NLGN1: variants seen among roughly 807,000 people sequenced by gnomAD.
The protein encoded by NLGN1 is neuroligin-1.
A neutral mutation model predicts 65.5 loss-of-function variants in NLGN1; 12 were observed. The ratio of observed to expected loss-of-function variants is 0.18; its 90% CI spans 0.12 to 0.30. The LOEUF (loss-of-function observed/expected upper bound fraction) is 0.30, where lower values mean the gene tolerates loss of function less well. Among genes scored for constraint, NLGN1 ranks in the 10% least tolerant of loss-of-function variants. The pLI, the probability that NLGN1 is intolerant of heterozygous loss-of-function variation, is 1.00. For missense variants in NLGN1, 750 were observed against 1,007.1 expected (o/e 0.74, Z 3.46); for synonymous variants, 350 against 359.5 (o/e 0.97, Z 0.30).
chr3:173,789,553 T>C (rs1398026423), intron 3 of NLGN1, among the ~76,000 whole-genome samples: 1 of 152,186 alleles, frequency 6.6e-6, no homozygotes, highest in Non-Finnish European at 1.5e-5. Flanking sequence ...GAAAATGTCT[T>C]GAACAATGTC....
chr3:173,511,432 TA>T (rs61510837), intron 2 of NLGN1, among the ~76,000 whole-genome samples: 5,599 of 152,282 alleles, frequency 0.037, 109 homozygotes, highest in Middle Eastern at 0.051. Flanking sequence ...TTCTAAGTGT[TA>T]ACACGTTCTG....
intron 4 of NLGN1, among the ~76,000 whole-genome samples, chr3:173,906,804 G>A (rs933335446): frequency 1.0e-4 from 15 of 148,858 alleles, no homozygotes; most frequent in Admixed American, 7.5e-4. Context: ...TGCTATGATC[G>A]TGCCTATGAT....
chr3:174,087,136 G>A (rs1027105882), intron 4 of NLGN1, among the ~76,000 whole-genome samples: 1 of 152,110 alleles, frequency 6.6e-6, no homozygotes, highest in African/African-American at 2.4e-5. Flanking sequence ...GGAGGTGGGA[G>A]GAGGGAGATA....
chr3:173,664,056 A>G (rs1761351460), intron 3 of NLGN1, among the ~76,000 whole-genome samples: 1 of 151,928 alleles, frequency 6.6e-6, no homozygotes, highest in Non-Finnish European at 1.5e-5. Flanking sequence ...CAGCACTGTA[A>G]TTTATTTCTG....
At chr3:173,563,711 A>G (rs888658341) in intron 2 of NLGN1, among the ~76,000 whole-genome samples, 8 of 152,064 alleles carry the variant, frequency 5.3e-5, no homozygotes, top group African/African-American at 1.9e-4. Flanking sequence ...TGTATATTAT[A>G]AATCTTTTGG....
chr3:173,820,881 G>A (rs1486280018), intron 4 of NLGN1, among the ~76,000 whole-genome samples: 6 of 152,124 alleles, frequency 3.9e-5, no homozygotes, highest in Non-Finnish European at 7.4e-5. Flanking sequence ...GCTTAATGTT[G>A]TTCATTTGTA....
chr3:174,272,052 A>ATAAT (rs1387251581), intron 4 of NLGN1, among the ~76,000 whole-genome samples: 2 of 151,690 alleles, frequency 1.3e-5, no homozygotes, highest in Admixed American at 1.3e-4. Flanking sequence ...ATGTGTTACA[A>ATAAT]TAATAATTAG....
chr3:173,902,137 C>T (rs557405694), intron 4 of NLGN1, among the ~76,000 whole-genome samples: 3 of 152,152 alleles, frequency 2.0e-5, no homozygotes, highest in South Asian at 2.1e-4. Context: ...TTTAGTTTCC[C>T]GCACTCTGCC....
intron 4 of NLGN1, among the ~76,000 whole-genome samples, chr3:174,069,109 A>T (rs1392587577): frequency 6.6e-6 from 1 of 152,184 alleles, no homozygotes; most frequent in East Asian, 1.9e-4. Context: ...TTGGAGAGAT[A>T]TAAAGAATGG....
chr3:174,174,861 T>C (rs1201840404), intron 4 of NLGN1, among the ~76,000 whole-genome samples: 3 of 152,022 alleles, frequency 2.0e-5, no homozygotes, highest in Non-Finnish European at 4.4e-5. Flanking sequence ...CATCATCATT[T>C]GTTTCAAGAA....
chr3:173,527,227 T>C (rs1193498872), intron 2 of NLGN1, among the ~76,000 whole-genome samples: 1 of 152,174 alleles, frequency 6.6e-6, no homozygotes, highest in East Asian at 1.9e-4. Context: ...CATTTGTAAT[T>C]GCCTGATTTT....
At chr3:174,124,609 GTATATATACGTA>G (rs1718518802) in intron 4 of NLGN1, among the ~76,000 whole-genome samples, 1 of 141,672 alleles carries the variant, frequency 7.1e-6, no homozygotes, top group African/African-American at 2.6e-5. Context: ...ACATATATAC[GTATATATACGTA>G]TACACATATA....
intron 5 of NLGN1, 108 bp downstream of exon 5, chr3:174,275,635 G>GAACTC (rs1750403227): frequency 1.2e-5 from 8 of 674,230 alleles, no homozygotes; most frequent in Middle Eastern, 2.7e-4. Context: ...GTGTTAGGTT[G>GAACTC]AACTCAATAG....
intron 4 of NLGN1, among the ~76,000 whole-genome samples, chr3:174,086,389 T>A (rs1232864719): frequency 7.2e-6 from 1 of 139,276 alleles, no homozygotes; most frequent in Non-Finnish European, 1.5e-5. Flanking sequence ...AAATACTTTT[T>A]AATTTTTTTG....
chr3:173,744,055 TATAAC>T (rs1775019698), intron 3 of NLGN1, among the ~76,000 whole-genome samples: 1 of 152,118 alleles, frequency 6.6e-6, no homozygotes, highest in Non-Finnish European at 1.5e-5. Context: ...TACATAAAGA[TATAAC>T]ATGATATAGT....
chr3:174,115,324 A>G (rs1276211932), intron 4 of NLGN1, among the ~76,000 whole-genome samples: 1 of 152,182 alleles, frequency 6.6e-6, no homozygotes, highest in Non-Finnish European at 1.5e-5. Context: ...AATGACTGAT[A>G]CTTAAGCACA....
intron 4 of NLGN1, among the ~76,000 whole-genome samples, chr3:174,068,591 C>G (rs1207989980): frequency 2.0e-5 from 3 of 152,070 alleles, no homozygotes; most frequent in Admixed American, 6.6e-5. Context: ...TCAGAATTAG[C>G]TAAATATTAT....
rs1361719258 is a variant in NLGN1 at position 174,156,715 on chromosome 3, TATG to T, written c.647-118597_647-118595del. On this transcript the variant is annotated intron_variant, in intron 4 of 6. Coordinates refer to ENST00000457714, the Ensembl canonical transcript of NLGN1. ...TTTGTAGTGTGCAAATCTGAAAAAG[TATG>T]ATATTGATAATATTAACAAAGTCTG... Among the ~76,000 whole-genome samples the T allele has an allele frequency of 3.3e-5, 5 of 151,726 alleles. No individual in the cohort carries two copies. In the East Asian group the frequency reaches 9.6e-4, roughly 29 times the overall value.
At chr3:173,958,276 G>A (rs371283701) in intron 4 of NLGN1, among the ~76,000 whole-genome samples, 1 of 152,196 alleles carries the variant, frequency 6.6e-6, no homozygotes, top group African/African-American at 2.4e-5. Context: ...CCGGAAAAAC[G>A]AAGTACATGG....
Sources: allele counts gnomAD v4.1 joint callset (sites outside exome capture counted in the v4.1 genomes callset), GRCh38; gene constraint gnomAD v4.1.1; transcripts MANE v1.5; gene names NCBI Gene and HGNC (gene_info 2026-07-23, HGNC 2026-07-21).